CSMD3: variants seen among roughly 807,000 people sequenced by gnomAD.
CSMD3 encodes CUB and Sushi multiple domains 3, also known as CUB and sushi domain-containing protein 3.
CSMD3 carries 177 observed loss-of-function variants against 435.2 expected under a neutral mutation model. The observed-to-expected ratio is 0.41, with a 90% CI of 0.36 to 0.46. CSMD3 has a LOEUF of 0.46. Among genes scored for constraint, CSMD3 ranks in the 20% least tolerant of loss-of-function variants. CSMD3 has a pLI of 0.34. For missense variants in CSMD3, 4,265 were observed against 4,504.6 expected (o/e 0.95, Z 1.52); for synonymous variants, 1,656 against 1,520.5 (o/e 1.09, Z -2.07).
chr8:112,596,515 C>A (rs1831737216), intron 22 of CSMD3, among the ~76,000 whole-genome samples: 1 of 152,076 alleles, frequency 6.6e-6, no homozygotes, highest in South Asian at 2.1e-4. Flanking sequence ...ACCAAGCGGA[C>A]CTAATAGACA....
chr8:113,153,138 G>A (rs746599509), intron 4 of CSMD3, among the ~76,000 whole-genome samples: 296 of 105,864 alleles, frequency 2.8e-3, no homozygotes, highest in African/African-American at 0.013. Context: ...AAAGAAGGAA[G>A]GAAGGAAGGA....
intron 27 of CSMD3, among the ~76,000 whole-genome samples, chr8:112,535,156 G>T (rs929971659): frequency 1.3e-5 from 2 of 151,234 alleles, no homozygotes; most frequent in Non-Finnish European, 3.0e-5. Context: ...ACATAGTGTT[G>T]GAAGTTCTGG....
intron 52 of CSMD3, among the ~76,000 whole-genome samples, chr8:112,303,139 A>C (rs920033539): frequency 6.6e-6 from 1 of 152,166 alleles, no homozygotes; most frequent in African/African-American, 2.4e-5. Context: ...GCTCTTTGAA[A>C]TATTCCTATC....
At chr8:112,490,101 G>A (rs945314437) in intron 31 of CSMD3, among the ~76,000 whole-genome samples, 20 of 152,066 alleles carry the variant, frequency 1.3e-4, no homozygotes, top group Admixed American at 2.6e-4. Context: ...GGAACTCTGC[G>A]TTGGAAATCA....
At chr8:113,024,183 T>A (rs1193263775) in intron 5 of CSMD3, among the ~76,000 whole-genome samples, 2 of 152,138 alleles carry the variant, frequency 1.3e-5, no homozygotes, top group African/African-American at 4.8e-5. Flanking sequence ...TATCTTTCTG[T>A]TTCTGACTTA....
chr8:112,382,027 A>G (rs535387061), intron 37 of CSMD3, among the ~76,000 whole-genome samples: 132 of 152,280 alleles, frequency 8.7e-4, no homozygotes, highest in Non-Finnish European at 1.2e-3. Flanking sequence ...TTACAATCCC[A>G]GCTAATCAGG....
intron 13 of CSMD3, among the ~76,000 whole-genome samples, chr8:112,742,151 CA>C (rs2077327365): frequency 6.6e-6 from 1 of 151,928 alleles, no homozygotes; most frequent in Non-Finnish European, 1.5e-5. Context: ...CAAACACACA[CA>C]AACGCTAAGG....
intron 1 of CSMD3, among the ~76,000 whole-genome samples, chr8:113,317,915 T>C (rs969020808): frequency 2.0e-5 from 3 of 152,220 alleles, no homozygotes; most frequent in African/African-American, 7.2e-5. Context: ...ACATTCTTCT[T>C]TGAAAGACTT....
chr8:112,910,455 C>G (rs538046285), intron 10 of CSMD3, among the ~76,000 whole-genome samples: 2 of 151,846 alleles, frequency 1.3e-5, no homozygotes, highest in South Asian at 4.2e-4. Flanking sequence ...CTTCCATTTC[C>G]CCCTACAAAA....
chr8:112,264,173 A>G (rs1816713747), intron 60 of CSMD3, among the ~76,000 whole-genome samples: 1 of 152,106 alleles, frequency 6.6e-6, no homozygotes, highest in Non-Finnish European at 1.5e-5. Flanking sequence ...TAGACAGACA[A>G]GACTTGGGTT....
chr8:112,304,179 G>T (rs1335618279), intron 52 of CSMD3, among the ~76,000 whole-genome samples: 1 of 152,078 alleles, frequency 6.6e-6, no homozygotes. Flanking sequence ...TTAAATGTTT[G>T]CAGTAACTCT....
chr8:112,838,188 A>C (rs2080082145), intron 11 of CSMD3, among the ~76,000 whole-genome samples: 1 of 151,710 alleles, frequency 6.6e-6, no homozygotes, highest in African/African-American at 2.4e-5. Context: ...GGAACTGGGA[A>C]AGAACATTCT....
chr8:112,384,913 T>TA (rs1829800223), intron 36 of CSMD3, among the ~76,000 whole-genome samples: 1 of 152,234 alleles, frequency 6.6e-6, no homozygotes, highest in African/African-American at 2.4e-5. Context: ...TTCAGCTTTT[T>TA]AAAAAATGTG....
At chr8:113,195,512 T>G (rs567134603) in intron 3 of CSMD3, among the ~76,000 whole-genome samples, 1 of 150,854 alleles carries the variant, frequency 6.6e-6, no homozygotes, top group Non-Finnish European at 1.5e-5. Flanking sequence ...GATAAGTAAA[T>G]ATTTAATATA....
intron 31 of CSMD3, among the ~76,000 whole-genome samples, chr8:112,476,805 C>A (rs949616298): frequency 1.3e-5 from 2 of 152,130 alleles, no homozygotes; most frequent in Middle Eastern, 6.3e-3. Context: ...TTGCTCATAA[C>A]CTTATGTGAT....
At chr8:112,561,319 A>G (rs896263148) in intron 24 of CSMD3, among the ~76,000 whole-genome samples, 6 of 151,652 alleles carry the variant, frequency 4.0e-5, no homozygotes, top group Non-Finnish European at 7.4e-5. Context: ...TGAAATGAAA[A>G]TTTCTAGAAC....
chr8:113,304,138 A>G (rs1383219216), intron 2 of CSMD3, among the ~76,000 whole-genome samples: 2 of 118,638 alleles, frequency 1.7e-5, no homozygotes, highest in African/African-American at 6.4e-5. Context: ...GAAGACATTT[A>G]TGCAGCCAAA....
At chr8:112,252,405 G>C (rs1054001397) in intron 63 of CSMD3, among the ~76,000 whole-genome samples, 1 of 151,870 alleles carries the variant, frequency 6.6e-6, no homozygotes, top group African/African-American at 2.4e-5. Flanking sequence ...CTTGAAGCCA[G>C]TACCTACACT....
At chr8:112,633,156 TG>T (rs764088045) in intron 22 of CSMD3, among the ~76,000 whole-genome samples, 1 of 152,046 alleles carries the variant, frequency 6.6e-6, no homozygotes, top group Non-Finnish European at 1.5e-5. Context: ...ATTATTCTCC[TG>T]CTTCTACAAA....
Sources: allele counts gnomAD v4.1 joint callset (sites outside exome capture counted in the v4.1 genomes callset), GRCh38; gene constraint gnomAD v4.1.1; transcripts MANE v1.5; gene names NCBI Gene and HGNC (gene_info 2026-07-23, HGNC 2026-07-21).